Variants in PARN observed in about 807,000 individuals in gnomAD.
PARN encodes the protein poly(A)-specific ribonuclease PARN.
In PARN, 71 loss-of-function variants were observed where a neutral mutation model predicts 102.8. The ratio of observed to expected loss-of-function variants is 0.69; its 90% CI spans 0.57 to 0.84. The LOEUF (loss-of-function observed/expected upper bound fraction) is 0.84. Among genes scored for constraint, PARN ranks in the 40% least tolerant of loss-of-function variants. The pLI, the probability that PARN is intolerant of heterozygous loss-of-function variation, is 0.00. For synonymous variants in PARN, 261 were observed against 252.9 expected (o/e 1.03, Z -0.30); for missense variants, 782 against 760.9 (o/e 1.03, Z -0.33).
intron 5 of PARN, among the ~76,000 whole-genome samples, chr16:14,622,566 G>A (rs58312847): frequency 6.6e-6 from 1 of 152,206 alleles, no homozygotes; most frequent in Middle Eastern, 3.2e-3. Context: ...GCGCAGTGGC[G>A]CGATCTTGGC....
chr16:14,576,606 G>C (rs1969158888), intron 18 of PARN, among the ~76,000 whole-genome samples: 1 of 152,204 alleles, frequency 6.6e-6, no homozygotes, highest in African/African-American at 2.4e-5. Flanking sequence ...TTAACATTAA[G>C]TTTGGTTTTC....
chr16:14,530,099 A>G (rs970226464), intron 21 of PARN, among the ~76,000 whole-genome samples: 3 of 152,172 alleles, frequency 2.0e-5, no homozygotes, highest in Non-Finnish European at 4.4e-5. Flanking sequence ...CAGGTAAGCT[A>G]TTCATCCTGC....
intron 9 of PARN, 187 bp downstream of exon 9, chr16:14,608,094 T>A (rs748866818): frequency 3.3e-5 from 20 of 605,946 alleles, no homozygotes; most frequent in Non-Finnish European, 5.5e-5. Flanking sequence ...CCTTAAAGCA[T>A]CTGTTAAAAA....
intron 5 of PARN, among the ~76,000 whole-genome samples, chr16:14,619,274 T>C (rs1972133506): frequency 6.6e-6 from 1 of 151,888 alleles, no homozygotes; most frequent in South Asian, 2.1e-4. Flanking sequence ...GAACCTAGCA[T>C]GAGCCAAAAT....
At chr16:14,539,147 C>T (rs554113576) in intron 21 of PARN, among the ~76,000 whole-genome samples, 36 of 152,244 alleles carry the variant, frequency 2.4e-4, no homozygotes, top group Non-Finnish European at 3.7e-4. Flanking sequence ...CCTACCCCTG[C>T]TCCCACCTAG....
intron 21 of PARN, among the ~76,000 whole-genome samples, chr16:14,514,902 C>G (rs142115190): frequency 6.6e-6 from 1 of 152,112 alleles, no homozygotes; most frequent in African/African-American, 2.4e-5. Flanking sequence ...TAAGGCTGCA[C>G]GGGGAAGCTA....
intron 21 of PARN, among the ~76,000 whole-genome samples, chr16:14,541,068 AT>A (rs1347360659): frequency 6.7e-6 from 1 of 150,010 alleles, no homozygotes; most frequent in African/African-American, 2.5e-5. Flanking sequence ...CGGCAAGTGG[AT>A]CGCTTGATCT....
In PARN at chr16:14,574,228, C is replaced by T. The variant is rs117657972; in HGVS notation, c.1262+6646G>A. Among the ~76,000 whole-genome samples, 466 of 152,132 alleles carry T rather than the reference C, an allele frequency of 3.1e-3. 4 individuals are homozygous for T. Among genetic ancestry groups the T allele is most frequent in the Non-Finnish European group, 4.0e-3 (272 of 67,916 alleles). ...CTTGTTATGTTTTAGCAGACACTGG[C>T]AGCATTTTGCCCTTGCCATAGAGAT... On this transcript the variant is annotated intron_variant, in intron 18 of 23. Coordinates refer to ENST00000437198, the MANE Select transcript of PARN (RefSeq NM_002582.4).
intron 12 of PARN, 104 bp downstream of exon 12, chr16:14,599,800 T>C (rs1004094058): frequency 2.7e-5 from 19 of 692,980 alleles, no homozygotes; most frequent in South Asian, 6.2e-5. Flanking sequence ...ATGTTCTAGG[T>C]AAACATTCTA....
At chr16:14,531,001 A>G (rs1041589910) in intron 21 of PARN, among the ~76,000 whole-genome samples, 2 of 151,840 alleles carry the variant, frequency 1.3e-5, no homozygotes, top group African/African-American at 4.8e-5. Flanking sequence ...CCATCCATCC[A>G]TCCATCCCCC....
At chr16:14,612,691 G>A (rs1286589357) in intron 6 of PARN, among the ~76,000 whole-genome samples, 3 of 151,576 alleles carry the variant, frequency 2.0e-5, no homozygotes, top group East Asian at 4.0e-4. Flanking sequence ...GCCACCTCTC[G>A]GGTTCAGGCA....
chr16:14,582,365 A>G, intron 16 of PARN, 74 bp from the exon 17 acceptor site: 2 of 933,210 alleles, frequency 2.1e-6, no homozygotes, highest in African/African-American at 1.6e-5. Flanking sequence ...TCAAAATTGC[A>G]TTAGCATATG....
intron 21 of PARN, among the ~76,000 whole-genome samples, chr16:14,533,687 G>A (rs1163292018): frequency 1.3e-5 from 2 of 152,064 alleles, no homozygotes; most frequent in Non-Finnish European, 2.9e-5. Flanking sequence ...CGGAGGGTGA[G>A]CACAGGCATC....
intron 21 of PARN, among the ~76,000 whole-genome samples, chr16:14,496,946 A>G (rs1355005531): frequency 6.6e-6 from 1 of 152,232 alleles, no homozygotes; most frequent in African/African-American, 2.4e-5. Context: ...TGCCTGAGAC[A>G]TGTTAAAATA....
Position 14,495,921 on chromosome 16 carries a change from G to T in PARN, c.1481-13094C>A, listed in dbSNP as rs1964290338. The stretch of plus-strand genomic sequence containing the variant: ...CCTCTGAAGAGGGGTCGAGGTCAGG[G>T]GAGGGGAGGGATCTTCCCAAAAGCA... On this transcript the variant is annotated intron_variant, in intron 21 of 23. Coordinates refer to ENST00000437198, the MANE Select transcript of PARN (RefSeq NM_002582.4). Among the ~76,000 whole-genome samples the T allele has an allele frequency of 3.9e-5, 6 of 152,288 alleles. No homozygotes were observed. The South Asian group carries it at 1.2e-3, about 32-fold the overall frequency.
intron 22 of PARN, among the ~76,000 whole-genome samples, chr16:14,473,260 C>T (rs542118156): frequency 2.0e-5 from 3 of 152,244 alleles, no homozygotes; most frequent in East Asian, 1.9e-4. Context: ...GTGTACTACA[C>T]GAATTTTTAA....
Position 14,454,962 on chromosome 16 carries a change from G to A in PARN, c.1671-7881C>T, listed in dbSNP as rs1226610098. Among the ~76,000 whole-genome samples, 5 of 152,096 alleles carry A rather than the reference G, an allele frequency of 3.3e-5. No individual in the cohort carries two copies. In the East Asian group the frequency reaches 7.7e-4, roughly 23 times the overall value. On this transcript the variant is annotated intron_variant, in intron 22 of 23. Transcript: ENST00000437198. ...AATGAATACACTGTGAGAAAAGCAC[G>A]TATTTCAATAACACATAAAAATAAC...
intron 22 of PARN, among the ~76,000 whole-genome samples, chr16:14,456,175 T>C (rs965846613): frequency 6.6e-6 from 1 of 151,970 alleles, no homozygotes. Flanking sequence ...GTTTTCTTTT[T>C]TTTTTTTTTA....
chr16:14,555,734 TA>T, intron 18 of PARN, 25 bp from the exon 19 acceptor site: 3 of 1,280,948 alleles, frequency 2.3e-6, no homozygotes, highest in Non-Finnish European at 3.2e-6. Context: ...GACAAACAAG[TA>T]ATGGGCAATT....
Sources: gnomAD v4.1 joint callset for allele counts (sites outside exome capture counted in the v4.1 genomes callset) on GRCh38, gnomAD v4.1.1 for gene constraint, MANE v1.5 for transcripts, NCBI Gene and HGNC (gene_info 2026-07-23, HGNC 2026-07-21) for gene names.